LDLRAD4: variants seen among roughly 807,000 people sequenced by gnomAD.
The protein encoded by LDLRAD4 is low-density lipoprotein receptor class A domain-containing protein 4.
LDLRAD4 carries 5 observed loss-of-function variants against 17.0 expected under a neutral mutation model. The observed-to-expected ratio is 0.29, with a 90% confidence interval of 0.15 to 0.62. The LOEUF is 0.62. Among genes scored for constraint, LDLRAD4 ranks in the 20% least tolerant of loss-of-function variants. LDLRAD4 has a pLI of 0.84. For missense variants in LDLRAD4, 340 were observed against 424.7 expected, an observed-to-expected ratio of 0.80 and a Z score of 1.75; for synonymous variants, 168 against 171.8, an observed-to-expected ratio of 0.98 and a Z score of 0.17.
intron 1 of LDLRAD4, among the ~76,000 whole-genome samples, chr18:13,319,336 C>T (rs995049442): frequency 3.3e-5 from 5 of 151,992 alleles, no homozygotes; most frequent in Non-Finnish European, 7.4e-5. Context: ...TGGCCCAGGT[C>T]GTGCAGCTGC....
chr18:13,599,433 T>G (rs2095133913), intron 3 of LDLRAD4, among the ~76,000 whole-genome samples: 2 of 152,212 alleles, frequency 1.3e-5, no homozygotes, highest in Admixed American at 6.5e-5. Flanking sequence ...ATGGTTGTTT[T>G]CCTGGCAAGT....
At chr18:13,632,745 A>G (rs1442792636) in intron 4 of LDLRAD4, among the ~76,000 whole-genome samples, 1 of 152,266 alleles carries the variant, frequency 6.6e-6, no homozygotes, top group Non-Finnish European at 1.5e-5. Flanking sequence ...TTCTTGTCCC[A>G]CATCCAAGAA....
chr18:13,255,124 G>A (rs1031766576), intron 1 of LDLRAD4, among the ~76,000 whole-genome samples: 4 of 152,218 alleles, frequency 2.6e-5, no homozygotes, highest in African/African-American at 9.7e-5. Flanking sequence ...CACAGCCAGG[G>A]TGTCTGGGTT....
At chr18:13,276,673 G>A (rs2044890857), upstream of LDLRAD4, among the ~76,000 whole-genome samples, 1 of 152,256 alleles carries the variant, frequency 6.6e-6, no homozygotes, top group African/African-American at 2.4e-5. Context: ...CCATCATGAG[G>A]TGGCAGCTCG....
chr18:13,409,162 TTTTG>T (rs946624185), intron 2 of LDLRAD4, among the ~76,000 whole-genome samples: 10 of 152,160 alleles, frequency 6.6e-5, no homozygotes, highest in South Asian at 2.1e-4. Context: ...GTTTATTGTT[TTTTG>T]TTTGTTTGTT....
At chr18:13,272,546 CT>C (rs1336519288) in intron 1 of LDLRAD4, among the ~76,000 whole-genome samples, 3 of 152,278 alleles carry the variant, frequency 2.0e-5, no homozygotes, top group Non-Finnish European at 4.4e-5. Context: ...CTCTGTCTCG[CT>C]CCTCCTGGCC....
intron 1 of LDLRAD4, among the ~76,000 whole-genome samples, chr18:13,247,957 C>T (rs1050828985): frequency 1.0e-5 from 1 of 96,092 alleles, no homozygotes. Flanking sequence ...CGCCGCCCCC[C>T]GCCTTTTTTT....
At position 13,586,772 on chromosome 18, in the gene LDLRAD4, C is replaced by G. The variant is rs141933632; in HGVS notation, c.182-34345C>G. Among the ~76,000 whole-genome samples the G allele has an allele frequency of 1.5e-3, 226 of 151,620 alleles. 3 individuals are homozygous for G. In the East Asian group the frequency reaches 0.035, roughly 24 times the overall value. ...GCATGGTGGCGCACACCTGTAATCCCACATATCAGGAGGCTGAGTTGGGAG... is the reference window on the plus strand; with the variant it reads ...GCATGGTGGCGCACACCTGTAATCCGACATATCAGGAGGCTGAGTTGGGAG... On this transcript the variant is annotated intron_variant, in intron 3 of 5. Coordinates refer to ENST00000359446, the Ensembl canonical transcript of LDLRAD4.
chr18:13,476,141 G>C (rs1172980359), intron 3 of LDLRAD4, among the ~76,000 whole-genome samples: 8 of 152,174 alleles, frequency 5.3e-5, no homozygotes, highest in Non-Finnish European at 7.3e-5. Flanking sequence ...TGCCTTAAGT[G>C]CCTGTGGCTT....
intron 1 of LDLRAD4, among the ~76,000 whole-genome samples, chr18:13,327,889 A>G (rs181514400): frequency 9.8e-4 from 149 of 152,238 alleles, no homozygotes; most frequent in Admixed American, 3.1e-3. Context: ...GTGTTCTCTG[A>G]GAAATGAAAT....
In LDLRAD4 at chr18:13,300,526, C is replaced by T. The variant is rs1301139459; in HGVS notation, c.-383+22338C>T. On this transcript the variant is annotated intron_variant, in intron 1 of 5. Coordinates refer to ENST00000359446, the Ensembl canonical transcript of LDLRAD4. This position sits in a 1 kb window ranked among gnomAD's most constrained non-coding sequence, Gnocchi z 4.2. The stretch of plus-strand genomic sequence containing the variant: ...AGCCCCATTGTCCTCACTCTTCCTC[C>T]TGGGCCTGTCCCGGTAGAGATACCC... Among the ~76,000 whole-genome samples the T allele has an allele frequency of 1.3e-5, 2 of 152,260 alleles. No individual in the cohort carries two copies. The highest frequency in any genetic ancestry group is 4.8e-5 in the African/African-American group (2 of 41,472).
chr18:13,624,437 A>G (rs1336243498), intron 4 of LDLRAD4, among the ~76,000 whole-genome samples: 1 of 152,248 alleles, frequency 6.6e-6, no homozygotes, highest in Non-Finnish European at 1.5e-5. Flanking sequence ...AGGGGGAAAC[A>G]GTGGCCATGC....
rs775373765 is a variant in LDLRAD4 at position 13,545,874 on chromosome 18, C to T, written c.182-75243C>T. Among the ~76,000 whole-genome samples, 19 of 152,200 alleles carry T rather than the reference C, an allele frequency of 1.2e-4. 1 individual carries two copies. ...AGGATGGAGGCTGGGAAGGACCCAA[C>T]AGGTGAGAGTCAGTGGGCTTCATTT... On this transcript the variant is annotated intron_variant, in intron 3 of 5. Transcript: ENST00000359446.
intron 1 of LDLRAD4, among the ~76,000 whole-genome samples, chr18:13,262,441 A>C (rs1227882026): frequency 1.1e-5 from 1 of 86,996 alleles, no homozygotes; most frequent in Admixed American, 1.4e-4. Context: ...TGTGCGTGGA[A>C]ACTGAGTCCC....
At chr18:13,475,842 G>C (rs2146855508) in intron 3 of LDLRAD4, among the ~76,000 whole-genome samples, 1 of 152,288 alleles carries the variant, frequency 6.6e-6, no homozygotes, top group South Asian at 2.1e-4. Context: ...GTAGAAAGGT[G>C]GGGTATGACT....
chr18:13,294,983 A>G (rs1397578704), intron 1 of LDLRAD4, among the ~76,000 whole-genome samples: 2 of 152,140 alleles, frequency 1.3e-5, no homozygotes, highest in Admixed American at 6.5e-5. Context: ...GCATATGCAC[A>G]AGGACTTTGT....
intron 1 of LDLRAD4, among the ~76,000 whole-genome samples, chr18:13,335,002 A>G (rs2082039492): frequency 6.6e-6 from 1 of 152,074 alleles, no homozygotes; most frequent in South Asian, 2.1e-4. Context: ...GTCACATTTT[A>G]TATTTTCTGT....
chr18:13,390,058 A>G (rs540643157), intron 2 of LDLRAD4, among the ~76,000 whole-genome samples: 1 of 152,150 alleles, frequency 6.6e-6, no homozygotes, highest in African/African-American at 2.4e-5. Flanking sequence ...TGATACATGT[A>G]TGTGTTGTAG....
upstream of LDLRAD4, among the ~76,000 whole-genome samples, chr18:13,273,207 T>C (rs944797991): frequency 6.6e-6 from 1 of 152,202 alleles, no homozygotes; most frequent in African/African-American, 2.4e-5. Context: ...GCCTTTCTTT[T>C]CTATTTCATA....
Sources: gnomAD v4.1 joint callset for allele counts (sites outside exome capture counted in the v4.1 genomes callset) on GRCh38, gnomAD v4.1.1 for gene constraint, Gnocchi (gnomAD v3.1) non-coding constraint, MANE v1.5 for transcripts, NCBI Gene and HGNC (gene_info 2026-07-23, HGNC 2026-07-21) for gene names.